Variants in NSUN6 observed in about 807,000 individuals in gnomAD.
The protein encoded by NSUN6 is tRNA (cytosine(72)-C(5))-methyltransferase NSUN6.
In NSUN6, 64 loss-of-function variants were observed where a neutral mutation model predicts 58.0. The observed-to-expected ratio is 1.10, with a 90% CI of 0.90 to 1.36. The LOEUF (loss-of-function observed/expected upper bound fraction) is 1.36, where lower values mean the gene tolerates loss of function less well. Among genes scored for constraint, NSUN6 ranks in the 40% most tolerant of loss-of-function variants. The pLI is 0.00. For synonymous variants in NSUN6, 231 were observed against 193.9 expected (o/e 1.19, Z -1.59); for missense variants, 701 against 550.1 (o/e 1.27, Z -2.74).
chr10:18,551,390 C>A (rs1372410373), intron 9 of NSUN6, among the ~76,000 whole-genome samples: 2 of 151,816 alleles, frequency 1.3e-5, no homozygotes, highest in East Asian at 3.9e-4. Flanking sequence ...CACCACCATT[C>A]ATCTCCAGAA....
intron 7 of NSUN6, among the ~76,000 whole-genome samples, chr10:18,587,458 C>T (rs941044668): frequency 1.3e-5 from 2 of 152,078 alleles, no homozygotes; most frequent in Admixed American, 1.3e-4. Context: ...CACTTTAAGT[C>T]AAAGTCAATA....
chr10:18,568,074 C>T (rs111217461), intron 8 of NSUN6, among the ~76,000 whole-genome samples: 1 of 151,266 alleles, frequency 6.6e-6, no homozygotes, highest in Admixed American at 6.6e-5. Context: ...CGTTCCATTC[C>T]ATTCCATTCT....
At chr10:18,652,406 GT>G (rs775153901), upstream of NSUN6, 11 of 984,380 alleles carry the variant, frequency 1.1e-5, no homozygotes, top group South Asian at 4.7e-4. Flanking sequence ...GTTTTTTATT[GT>G]TTTTTTCTCT....
intron 3 of NSUN6, among the ~76,000 whole-genome samples, chr10:18,623,493 G>A (rs1175232951): frequency 2.0e-5 from 3 of 152,158 alleles, no homozygotes; most frequent in Admixed American, 6.5e-5. Flanking sequence ...TCTCTGAAAA[G>A]GAGAGGCTCC....
chr10:18,576,621 G>A (rs2056662514), intron 8 of NSUN6, among the ~76,000 whole-genome samples: 1 of 152,192 alleles, frequency 6.6e-6, no homozygotes, highest in South Asian at 2.1e-4. Context: ...GCCCCCGAGG[G>A]CCATCCAGCT....
upstream of NSUN6, among the ~76,000 whole-genome samples, chr10:18,655,372 A>G (rs1444621457): frequency 1.3e-5 from 2 of 152,246 alleles, no homozygotes; most frequent in South Asian, 2.1e-4. Flanking sequence ...TGTGAAATAC[A>G]GATAATAGCT....
At chr10:18,588,664 G>A (rs921789826) in intron 7 of NSUN6, among the ~76,000 whole-genome samples, 5 of 152,138 alleles carry the variant, frequency 3.3e-5, no homozygotes, top group Non-Finnish European at 5.9e-5. Flanking sequence ...CCAGCAAACC[G>A]CAGCAGACCT....
intron 1 of NSUN6, among the ~76,000 whole-genome samples, chr10:18,649,132 C>T (rs1411417630): frequency 6.6e-6 from 1 of 152,018 alleles, no homozygotes; most frequent in Non-Finnish European, 1.5e-5. Context: ...TAGTCACTGT[C>T]ATATAAAGAT....
intron 3 of NSUN6, among the ~76,000 whole-genome samples, chr10:18,626,588 T>TG (rs1404612509): frequency 6.6e-6 from 1 of 152,154 alleles, no homozygotes; most frequent in Non-Finnish European, 1.5e-5. Context: ...GCCAACATGG[T>TG]GAAACCCTGT....
intron 8 of NSUN6, among the ~76,000 whole-genome samples, chr10:18,583,750 C>T (rs1328676660): frequency 1.3e-5 from 2 of 152,080 alleles, no homozygotes. Flanking sequence ...ACTAGAGGGG[C>T]TCAACCAGAG....
chr10:18,567,500 C>T (rs562404450), intron 8 of NSUN6, among the ~76,000 whole-genome samples: 3 of 150,760 alleles, frequency 2.0e-5, no homozygotes, highest in African/African-American at 2.4e-5. Flanking sequence ...TTCCATTCTC[C>T]ATTCCATTCT....
chr10:18,625,940 G>A (rs1211318166), intron 3 of NSUN6, among the ~76,000 whole-genome samples: 1 of 151,878 alleles, frequency 6.6e-6, no homozygotes, highest in Non-Finnish European at 1.5e-5. Context: ...TGTCTACAAA[G>A]TGCTAAGGGA....
intron 8 of NSUN6, among the ~76,000 whole-genome samples, chr10:18,574,748 G>A (rs539402617): frequency 6.6e-6 from 1 of 152,088 alleles, no homozygotes; most frequent in Admixed American, 6.6e-5. Context: ...TCATACATTT[G>A]GGAAAATTCG....
chr10:18,629,950 C>A (rs1217335001), intron 3 of NSUN6, among the ~76,000 whole-genome samples: 1 of 150,646 alleles, frequency 6.6e-6, no homozygotes, highest in Non-Finnish European at 1.5e-5. Context: ...ACAGAATATA[C>A]ATTTTTTTCA....
intron 8 of NSUN6, among the ~76,000 whole-genome samples, chr10:18,557,631 T>C (rs934459910): frequency 7.3e-6 from 1 of 137,562 alleles, no homozygotes; most frequent in Non-Finnish European, 1.6e-5. Context: ...TGGAATAGAG[T>C]GGAGAATGGA....
upstream of NSUN6, among the ~76,000 whole-genome samples, chr10:18,656,636 G>A (rs1332201340): frequency 6.6e-6 from 1 of 152,162 alleles, no homozygotes; most frequent in Non-Finnish European, 1.5e-5. Context: ...AAGTTAGTTT[G>A]TAATAGTTCC....
At chr10:18,576,534 G>T (rs1376994919) in intron 8 of NSUN6, among the ~76,000 whole-genome samples, 2 of 152,172 alleles carry the variant, frequency 1.3e-5, no homozygotes, top group African/African-American at 4.8e-5. Context: ...TCTTTTCCAG[G>T]ATTCTACAGC....
At chr10:18,657,052 T>G (rs1434945011), upstream of NSUN6, among the ~76,000 whole-genome samples, 2 of 152,120 alleles carry the variant, frequency 1.3e-5, no homozygotes, top group Non-Finnish European at 2.9e-5. Flanking sequence ...GATCTAAAAT[T>G]CCTGGGCTCA....
chr10:18,645,584 G>T (rs2059523358), intron 2 of NSUN6, among the ~76,000 whole-genome samples: 1 of 152,180 alleles, frequency 6.6e-6, no homozygotes, highest in Non-Finnish European at 1.5e-5. Context: ...TATTGCTGAA[G>T]GATTCTACTG....
Sources: allele counts gnomAD v4.1 joint callset (sites outside exome capture counted in the v4.1 genomes callset), GRCh38; gene constraint gnomAD v4.1.1; transcripts MANE v1.5; gene names NCBI Gene and HGNC (gene_info 2026-07-23, HGNC 2026-07-21).